DCBLD2: variants seen among roughly 807,000 people sequenced by gnomAD.
DCBLD2 encodes the protein discoidin, CUB and LCCL domain containing 2, also known as discoidin, CUB and LCCL domain-containing protein 2.
DCBLD2 carries 54 observed loss-of-function variants against 86.8 expected under a neutral mutation model. The observed-to-expected ratio is 0.62, with a 90% CI of 0.50 to 0.78. DCBLD2 has a LOEUF of 0.78. DCBLD2 is among the 30% of genes least tolerant of loss of function. The probability of loss-of-function intolerance (pLI) is 0.00; values close to 1 mark genes in which losing one functional copy is unlikely to be tolerated. For missense variants in DCBLD2, 908 were observed against 954.2 expected, an observed-to-expected ratio of 0.95 and a Z score of 0.64; for synonymous variants, 354 against 341.3, an observed-to-expected ratio of 1.04 and a Z score of -0.41.
chr3:98,825,362 T>C lies in DCBLD2; in HGVS notation c.576A>G (p.Leu192=). 3.2e-6 allele frequency: 5 copies of C among 1,550,634 alleles called. No homozygotes were observed. The highest frequency in any genetic ancestry group is 2.4e-5 in the East Asian group (1 of 42,130). Residue 192 remains leucine (L), a synonymous_variant, in exon 4 of 16, where the codon CTA becomes CTG. Coordinates refer to ENST00000326840, the MANE Select transcript of DCBLD2 (RefSeq NM_080927.4). ...ASYSVIDKQD[L]ITCLDTASNF... is the part of the protein sequence containing the mutation. ...TGGATGCAGTGTCCAAACAAGTAATTAGATCTAGAAAAACAAAAATAAAAA... is the reference window on the plus strand; with the variant it reads ...TGGATGCAGTGTCCAAACAAGTAATCAGATCTAGAAAAACAAAAATAAAAA...
chr3:98,811,101 A>C, intron 12 of DCBLD2, 93 bp downstream of exon 12: 1 of 1,386,522 alleles, frequency 7.2e-7, no homozygotes, highest in Non-Finnish European at 9.6e-7. Flanking sequence ...TAGTTGGAAG[A>C]AAATAAACTG....
chr3:98,811,525 G>T lies in DCBLD2; in HGVS notation c.1393C>A (p.Pro465Thr). 6.3e-7 allele frequency: 1 copy of T among 1,594,418 alleles called. No individual in the cohort carries two copies. The highest frequency in any genetic ancestry group is 8.5e-7 in the Non-Finnish European group (1 of 1,172,000). Residue 465 changes from proline (P) to threonine (T), a missense_variant, in exon 11 of 16, where the codon CCT becomes ACT. Coordinates refer to ENST00000326840, the MANE Select transcript of DCBLD2 (RefSeq NM_080927.4). ...GRPPKLTQPP[P>T]PRNSNDLKNT... is the part of the protein sequence containing the mutation. ...TTGAGGTCATTGCTGTTCCGAGGAG[G>T]TGGAGGTTGAGTAAGTTTTGGAGGA...
chr3:98,838,703 A>G (rs1418759112), intron 3 of DCBLD2, among the ~76,000 whole-genome samples: 1 of 151,982 alleles, frequency 6.6e-6, no homozygotes, highest in Non-Finnish European at 1.5e-5. Context: ...GGCGGCTGGG[A>G]GGTGTAGGTT....
At chr3:98,876,592 A>C (rs1444953677) in intron 2 of DCBLD2, among the ~76,000 whole-genome samples, 1 of 152,186 alleles carries the variant, frequency 6.6e-6, no homozygotes, top group African/African-American at 2.4e-5. Flanking sequence ...GTGGAAAACA[A>C]GCATTTTTAT....
chr3:98,860,946 C>T (rs984552351), intron 2 of DCBLD2, among the ~76,000 whole-genome samples: 2 of 152,226 alleles, frequency 1.3e-5, no homozygotes, highest in South Asian at 2.1e-4. Context: ...GATAAAGAGT[C>T]GAGACTCATC....
At chr3:98,830,379 T>G (rs1406426199) in intron 3 of DCBLD2, among the ~76,000 whole-genome samples, 1 of 152,218 alleles carries the variant, frequency 6.6e-6, no homozygotes, top group Non-Finnish European at 1.5e-5. Context: ...AGATTTACAT[T>G]TAAGTGTTTA....
chr3:98,808,320 G>T lies in DCBLD2; in HGVS notation c.1577-146C>A. On this transcript the variant is annotated intron_variant, in intron 12 of 15. Coordinates refer to ENST00000326840, the MANE Select transcript of DCBLD2 (RefSeq NM_080927.4). ...AACATTATTTGTCAAGACTGGGCATGTGGTGGTAACTGTAGAAGCTTTTGC... is the reference window on the plus strand; with the variant it reads ...AACATTATTTGTCAAGACTGGGCATTTGGTGGTAACTGTAGAAGCTTTTGC... 6 of 659,180 alleles carry T rather than the reference G, an allele frequency of 9.1e-6. 1 individual carries two copies. The South Asian group carries it at 1.3e-4, about 14-fold the overall frequency. 40.8% of individuals were successfully genotyped at this position (659,180 alleles called of 1,614,324 possible). A position where few individuals can be genotyped will look rare whatever the true frequency, so the allele number is the denominator to read the frequency against.
intron 3 of DCBLD2, 126 bp from the exon 4 acceptor site, chr3:98,825,492 G>C (rs1942198560): frequency 1.4e-6 from 1 of 708,786 alleles, no homozygotes; most frequent in Non-Finnish European, 2.3e-6. Flanking sequence ...CACTGTCAAA[G>C]TGGTACTAAA....
rs1942133499 is a variant in DCBLD2, at chr3:98,822,237, G to A, written c.821C>T (p.Thr274Ile). 1 of 1,613,658 alleles carries A rather than the reference G, an allele frequency of 6.2e-7. No individual in the cohort carries two copies. Among genetic ancestry groups the A allele is most frequent in the Non-Finnish European group, 8.5e-7 (1 of 1,179,804 alleles). ...TTGCATATATACTTACACCACAGAT[G>A]TGACGTTGTTAGCCAAAGAACTTTC... The part of the protein sequence containing the change: ...YYESSLANNV[T>I]SVVGHLSTSL... The change falls in exon 6 of 16, where the codon ACA becomes ATA. Residue 274 changes from threonine to isoleucine, a missense_variant. This residue lies in a region of DCBLD2 where 606 missense variants were observed against 678.5 expected (regional missense o/e 0.89). Coordinates refer to ENST00000326840, the MANE Select transcript of DCBLD2 (RefSeq NM_080927.4).
chr3:98,870,802 A>AAAGAAAGAAAGAAAGG (rs1559794655), intron 2 of DCBLD2, among the ~76,000 whole-genome samples: 6 of 135,868 alleles, frequency 4.4e-5, no homozygotes, highest in African/African-American at 1.7e-4. Flanking sequence ...AGAAAGAAAG[A>AAAGAAAGAAAGAAAGG]AAGAAAGAAA....
chr3:98,862,275 A>C (rs1943058159), intron 2 of DCBLD2, among the ~76,000 whole-genome samples: 1 of 152,172 alleles, frequency 6.6e-6, no homozygotes, highest in Admixed American at 6.5e-5. Context: ...TTCACAGCCA[A>C]ATTCTACCAG....
chr3:98,836,717 C>T lies in DCBLD2; in HGVS notation c.572-11351G>A, dbSNP rs866489410. Among the ~76,000 whole-genome samples the T allele has an allele frequency of 5.8e-3, 254 of 43,862 alleles. 56 individuals carry two copies. The highest frequency in any genetic ancestry group is 0.013 in the Non-Finnish European group (219 of 16,424). The allele number at this position is 43,862 out of a possible 152,430, so 28.8% of individuals were successfully genotyped here. A position where few individuals can be genotyped will look rare whatever the true frequency, so the allele number is the denominator to read the frequency against. On this transcript the variant is annotated intron_variant, in intron 3 of 15. Coordinates refer to ENST00000326840, the MANE Select transcript of DCBLD2 (RefSeq NM_080927.4). Reference sequence around the variant, plus strand: ...CTCCCGGACGGGGCGGCTGGCCGGGCGGGGGGGCTGACCCCCCCATCTCCC... The same window carrying T: ...CTCCCGGACGGGGCGGCTGGCCGGGTGGGGGGGCTGACCCCCCCATCTCCC...
At chr3:98,866,497 A>G (rs1200904197) in intron 2 of DCBLD2, among the ~76,000 whole-genome samples, 1 of 152,236 alleles carries the variant, frequency 6.6e-6, no homozygotes, top group Non-Finnish European at 1.5e-5. Flanking sequence ...TTTTGGCTGC[A>G]TAAATGTCTT....
At chr3:98,838,681 G>A (rs993541900) in intron 3 of DCBLD2, among the ~76,000 whole-genome samples, 4 of 152,124 alleles carry the variant, frequency 2.6e-5, no homozygotes, top group Non-Finnish European at 5.9e-5. Context: ...GGCACTTTGG[G>A]AGGCCAAGGC....
At chr3:98,839,172 CT>C (rs879189827) in intron 3 of DCBLD2, among the ~76,000 whole-genome samples, 11 of 21,990 alleles carry the variant, frequency 5.0e-4, no homozygotes, top group Non-Finnish European at 9.7e-4. Context: ...TCTTTCTTTC[CT>C]TTCTTTCTTC....
intron 1 of DCBLD2, among the ~76,000 whole-genome samples, chr3:98,897,905 C>A (rs540106372): frequency 6.6e-6 from 1 of 152,166 alleles, no homozygotes; most frequent in South Asian, 2.1e-4. Context: ...TTCCTACAGT[C>A]ATAATGGAAA....
At chr3:98,840,333 G>A (rs575895459) in intron 3 of DCBLD2, among the ~76,000 whole-genome samples, 1 of 152,124 alleles carries the variant, frequency 6.6e-6, no homozygotes, top group East Asian at 1.9e-4. Flanking sequence ...AAAGAGAGGA[G>A]TCAAAGATAC....
At chr3:98,801,000 T>C (rs1325036953) in intron 14 of DCBLD2, among the ~76,000 whole-genome samples, 1 of 151,392 alleles carries the variant, frequency 6.6e-6, no homozygotes, top group Non-Finnish European at 1.5e-5. Context: ...ATTACATTTT[T>C]CCCAAAAAAT....
intron 3 of DCBLD2, among the ~76,000 whole-genome samples, chr3:98,834,142 C>CTTTTT (rs10588325): frequency 8.0e-6 from 1 of 124,918 alleles, no homozygotes; most frequent in Non-Finnish European, 1.7e-5. Context: ...GAGTTGTTTT[C>CTTTTT]TTTTTTTTTT....
Sources: allele counts gnomAD v4.1 joint callset (sites outside exome capture counted in the v4.1 genomes callset), GRCh38; gene constraint gnomAD v4.1.1; regional missense constraint gnomAD v4.1.1; transcripts MANE v1.5; gene names NCBI Gene and HGNC (gene_info 2026-07-23, HGNC 2026-07-21).